The following TSC22D1 variants were observed in gnomAD, a reference collection of about 807,000 sequenced individuals.
TSC22D1 encodes TSC22 domain family member 1, also known as TSC22 domain family protein 1.
In TSC22D1, 9 loss-of-function variants were observed where a neutral mutation model predicts 74.2. The ratio of observed to expected loss-of-function variants is 0.12; its 90% CI spans 0.07 to 0.21. The LOEUF is 0.21. TSC22D1 is among the 10% of genes least tolerant of loss of function. TSC22D1 has a pLI of 1.00. For synonymous variants in TSC22D1, 586 were observed against 492.5 expected, an observed-to-expected ratio of 1.19 and a Z score of -2.51; for missense variants, 1,427 against 1,304.7, an observed-to-expected ratio of 1.09 and a Z score of -1.44.
At chr13:44,454,222 G>A (rs1876378413) in intron 1 of TSC22D1, among the ~76,000 whole-genome samples, 1 of 152,112 alleles carries the variant, frequency 6.6e-6, no homozygotes, top group African/African-American at 2.4e-5. Context: ...AGCAGGGGAA[G>A]ACCAGTTATG....
chr13:44,491,145 C>T lies in TSC22D1; in HGVS notation c.2913-55050G>A, dbSNP rs554945945. The stretch of plus-strand genomic sequence containing the variant: ...TGGTGCCACTGCACTCCAGCCTGGG[C>T]GACAGAGCAAGACTCCGTCTCAAAA... On this transcript the variant is annotated intron_variant, in intron 1 of 2. Coordinates refer to ENST00000458659, the MANE Select transcript of TSC22D1 (RefSeq NM_183422.4). Among the ~76,000 whole-genome samples the T allele has an allele frequency of 3.1e-3, 466 of 148,068 alleles. 2 individuals are homozygous for T. The highest frequency in any genetic ancestry group is 0.011 in the African/African-American group (439 of 40,128).
At chr13:44,556,798 G>A (rs9645990) in intron 1 of TSC22D1, among the ~76,000 whole-genome samples, 13,139 of 151,560 alleles carry the variant, frequency 0.087, 744 homozygotes, top group Non-Finnish European at 0.12. Flanking sequence ...CCCACAAGGC[G>A]GAGGTTGCAG....
At position 44,574,106 on chromosome 13, in the gene TSC22D1, C is replaced by A; in HGVS notation, c.1969G>T (p.Val657Leu). The A allele has an allele frequency of 6.2e-7, 1 of 1,614,156 alleles. No homozygotes were observed. The highest frequency in any genetic ancestry group is 1.1e-5 in the South Asian group (1 of 91,086). Residue 657 changes from valine to leucine, a missense_variant, in exon 1 of 3, where the codon GTA (valine) becomes TTA (leucine). By Grantham distance (32) the Val-to-Leu change is conservative. This residue lies in a region of TSC22D1 where 1,343 missense variants were observed against 1,191.5 expected (regional missense o/e 1.13). Transcript: ENST00000458659. ...SVTQNPASEY[V>L]QQQPILQTAM... ...GTTTGAAGAATTGGCTGCTGTTGTACATACTCTGAAGCAGGATTTTGAGTC... is the reference window on the plus strand; with the variant it reads ...GTTTGAAGAATTGGCTGCTGTTGTAAATACTCTGAAGCAGGATTTTGAGTC...
chr13:44,539,855 G>T (rs929806721), intron 1 of TSC22D1: 1 of 1,289,666 alleles, frequency 7.8e-7, no homozygotes, highest in Non-Finnish European at 1.0e-6. Context: ...GACGTCAAAA[G>T]CTCTCCGTGG....
In TSC22D1 at chr13:44,573,397, C is replaced by T. The variant is rs150950270; in HGVS notation, c.2678G>A (p.Ser893Asn). Residue 893 changes from serine to asparagine, a missense_variant, in exon 1 of 3, where the codon AGT becomes AAT. By Grantham distance (46) the Ser-to-Asn change is conservative (BLOSUM62 1). Transcript: ENST00000458659. The part of the protein sequence containing the change: ...NLPLAQQIPL[S>N]STQFSAQSLA... ...TGATTGTGCGGAGAACTGGGTAGAA[C>T]TTAGTGGTATCTGTTGTGCCAAAGG... is the stretch of plus-strand genomic sequence containing the variant. 1.4e-5 allele frequency: 23 copies of T among 1,614,140 alleles called. No homozygotes were observed. The African/African-American group carries it at 2.5e-4, about 18-fold the overall frequency.
At chr13:44,539,659 C>T (rs1881349868) in intron 1 of TSC22D1, 2 of 1,152,922 alleles carry the variant, frequency 1.7e-6, no homozygotes, top group Non-Finnish European at 2.2e-6. Context: ...GATTGCAGTC[C>T]CACCTGGTTC....
At chr13:44,449,356 T>C (rs758357654) in intron 1 of TSC22D1, among the ~76,000 whole-genome samples, 1 of 152,210 alleles carries the variant, frequency 6.6e-6, no homozygotes, top group East Asian at 1.9e-4. Context: ...GATTTTCAAA[T>C]TGTCCTTTCA....
At chr13:44,565,834 A>G (rs1271521677) in intron 1 of TSC22D1, among the ~76,000 whole-genome samples, 1 of 152,236 alleles carries the variant, frequency 6.6e-6, no homozygotes. Flanking sequence ...ATGCGATTAC[A>G]GGTGTGAAAT....
intron 2 of TSC22D1, 37 bp downstream of exon 2, chr13:44,436,007 C>T: frequency 6.3e-7 from 1 of 1,593,432 alleles, no homozygotes; most frequent in East Asian, 2.2e-5. Flanking sequence ...TGTGCTGTGC[C>T]CACATTTAGT....
rs1380124933 is a variant in TSC22D1 at position 44,433,876 on chromosome 13, ACCT to A, written c.*747_*749del. The A allele has an allele frequency of 2.7e-6, 3 of 1,104,760 alleles. No individual in the cohort carries two copies. The highest frequency in any genetic ancestry group is 5.8e-5 in the East Asian group (2 of 34,314). 68.4% of individuals were successfully genotyped at this position (1,104,760 alleles called of 1,614,324 possible). On this transcript the variant is annotated 3_prime_UTR_variant, in exon 3 of 3. Coordinates refer to ENST00000458659, the MANE Select transcript of TSC22D1 (RefSeq NM_183422.4). ...TGTAGATCTATATATAAAAGTCCAC[ACCT>A]CCTCAGACAGCCAATGAAACAACTA...
chr13:44,445,328 C>CAAA lies in TSC22D1; in HGVS notation c.2913-9236_2913-9234dup, dbSNP rs34720179. 2.1e-3 allele frequency among the ~76,000 whole-genome samples: 301 copies of CAAA among 141,808 alleles called. 1 individual carries two copies. The highest frequency in any genetic ancestry group is 3.5e-3 in the Middle Eastern group (1 of 284). 93.0% of individuals were successfully genotyped at this position (141,808 alleles called of 152,430 possible). ...TCAGCAAATGGTACTGGAACAACTG[C>CAAA]AAAAAAAAAAAATACAACTGATCCA... On this transcript the variant is annotated intron_variant, in intron 1 of 2. Transcript: ENST00000458659.
chr13:44,572,567 G>C (rs76541399), intron 1 of TSC22D1, among the ~76,000 whole-genome samples: 3,457 of 152,248 alleles, frequency 0.023, 117 homozygotes, highest in African/African-American at 0.076. Context: ...CACAAAATAA[G>C]ATTCCCATTC....
chr13:44,569,020 T>C (rs1883567887), intron 1 of TSC22D1, among the ~76,000 whole-genome samples: 1 of 152,174 alleles, frequency 6.6e-6, no homozygotes, highest in Admixed American at 6.5e-5. Context: ...CAAAATTAAA[T>C]CTTCATTTTC....
chr13:44,504,595 C>T (rs1218342162), intron 1 of TSC22D1, among the ~76,000 whole-genome samples: 2 of 111,332 alleles, frequency 1.8e-5, no homozygotes, highest in Non-Finnish European at 3.6e-5. Flanking sequence ...CAGAGGGAGA[C>T]TGTCTCAAAA....
intron 1 of TSC22D1, among the ~76,000 whole-genome samples, chr13:44,495,590 C>T (rs1229753045): frequency 6.6e-6 from 1 of 151,942 alleles, no homozygotes; most frequent in Non-Finnish European, 1.5e-5. Flanking sequence ...CTACATAAAA[C>T]AATAATCATA....
intron 1 of TSC22D1, among the ~76,000 whole-genome samples, chr13:44,531,167 T>C (rs1326637945): frequency 6.6e-6 from 1 of 152,136 alleles, no homozygotes; most frequent in Non-Finnish European, 1.5e-5. Flanking sequence ...ATAACAAATA[T>C]AACACACTAA....
chr13:44,495,316 C>T (rs929824115), intron 1 of TSC22D1, among the ~76,000 whole-genome samples: 4 of 148,638 alleles, frequency 2.7e-5, no homozygotes, highest in Non-Finnish European at 5.9e-5. Flanking sequence ...AAAAAACAGT[C>T]TAACGGTAAT....
At position 44,539,008 on chromosome 13, in the gene TSC22D1, T is replaced by C. The variant is rs372393112; in HGVS notation, c.2912+34155A>G. 1.3e-4 allele frequency: 131 copies of C among 985,356 alleles called. 1 individual carries two copies. In the South Asian group the frequency reaches 4.3e-3, roughly 33 times the overall value. 61.0% of individuals were successfully genotyped at this position (985,356 alleles called of 1,614,324 possible). ...AGGTAACAAGTTCACATTCTACCCA[T>C]TGTAGGTGATAAGAACTTCCTGGAA... On this transcript the variant is annotated intron_variant, in intron 1 of 2. Transcript: ENST00000458659.
At chr13:44,484,030 C>T (rs1278472072) in intron 1 of TSC22D1, among the ~76,000 whole-genome samples, 1 of 152,156 alleles carries the variant, frequency 6.6e-6, no homozygotes, top group Non-Finnish European at 1.5e-5. Flanking sequence ...AAGCTGAACA[C>T]ATAGGTATCT....
Sources: gnomAD v4.1 joint callset for allele counts (sites outside exome capture counted in the v4.1 genomes callset) on GRCh38, gnomAD v4.1.1 for gene constraint, gnomAD v4.1.1 regional missense constraint, MANE v1.5 for transcripts, NCBI Gene and HGNC (gene_info 2026-07-23, HGNC 2026-07-21) for gene names.